Variants in HS6ST3 observed in about 807,000 individuals in gnomAD.
The protein encoded by HS6ST3 is heparan sulfate 6-O-sulfotransferase 3, also known as heparan-sulfate 6-O-sulfotransferase 3.
Under a neutral mutation model 36.7 loss-of-function variants are expected in HS6ST3, and 12 were observed. That is an observed-to-expected ratio of 0.33 (90% confidence interval 0.21 to 0.53). The LOEUF is 0.53. HS6ST3 is among the 20% of genes least tolerant of loss of function. The pLI is 0.95. For synonymous variants in HS6ST3, 240 were observed against 257.5 expected (o/e 0.93, Z 0.65); for missense variants, 584 against 640.9 (o/e 0.91, Z 0.96).
At chr13:96,558,111 T>C (rs1191503992) in intron 1 of HS6ST3, among the ~76,000 whole-genome samples, 1 of 152,218 alleles carries the variant, frequency 6.6e-6, no homozygotes, top group Non-Finnish European at 1.5e-5. Context: ...ACCTTTTTGC[T>C]TTTTTATCTC....
intron 1 of HS6ST3, among the ~76,000 whole-genome samples, chr13:96,779,063 A>G (rs1435602805): frequency 6.6e-6 from 1 of 152,098 alleles, no homozygotes; most frequent in African/African-American, 2.4e-5. Context: ...GCAAACTAAC[A>G]GAGAAAAAGA....
intron 1 of HS6ST3, among the ~76,000 whole-genome samples, chr13:96,177,174 G>A (rs1478938196): frequency 6.6e-6 from 1 of 152,186 alleles, no homozygotes; most frequent in Non-Finnish European, 1.5e-5. Context: ...GTGTTGGTGT[G>A]AGTGTAAATT....
chr13:96,428,525 C>T (rs891276043), intron 1 of HS6ST3, among the ~76,000 whole-genome samples: 1 of 152,138 alleles, frequency 6.6e-6, no homozygotes, highest in African/African-American at 2.4e-5. Flanking sequence ...ATAGTCTTAC[C>T]TTCTGTGTGT....
intron 1 of HS6ST3, among the ~76,000 whole-genome samples, chr13:96,121,902 T>G (rs2139306640): frequency 6.6e-6 from 1 of 152,248 alleles, no homozygotes; most frequent in South Asian, 2.1e-4. Context: ...ATACTGGCAT[T>G]AACATGAGAA....
intron 1 of HS6ST3, among the ~76,000 whole-genome samples, chr13:96,144,800 C>A (rs1410750105): frequency 9.4e-6 from 1 of 106,338 alleles, no homozygotes; most frequent in Non-Finnish European, 1.8e-5. Context: ...CTCCCCCCTC[C>A]CCCCACCACA....
At chr13:96,346,399 C>T (rs1446256655) in intron 1 of HS6ST3, among the ~76,000 whole-genome samples, 1 of 151,828 alleles carries the variant, frequency 6.6e-6, no homozygotes, top group African/African-American at 2.4e-5. Context: ...ACGGTGAAAC[C>T]CTATCTCTCC....
chr13:96,209,407 T>C (rs1355412551), intron 1 of HS6ST3, among the ~76,000 whole-genome samples: 2 of 152,178 alleles, frequency 1.3e-5, no homozygotes, highest in African/African-American at 4.8e-5. Context: ...GCTCCCCAGC[T>C]TTTTTCTGGT....
chr13:96,430,456 T>C (rs1041392188), intron 1 of HS6ST3, among the ~76,000 whole-genome samples: 1 of 152,206 alleles, frequency 6.6e-6, no homozygotes, highest in Admixed American at 6.5e-5. Context: ...CTGGGCACTG[T>C]CTGGCCCTCC....
intron 1 of HS6ST3, among the ~76,000 whole-genome samples, chr13:96,339,254 G>A (rs2055118087): frequency 6.6e-6 from 1 of 152,156 alleles, no homozygotes; most frequent in Non-Finnish European, 1.5e-5. Context: ...CAAACTCATT[G>A]ATGAAGAACA....
intron 1 of HS6ST3, among the ~76,000 whole-genome samples, chr13:96,119,270 A>C (rs933997981): frequency 3.9e-5 from 6 of 152,160 alleles, no homozygotes; most frequent in Admixed American, 3.9e-4. Flanking sequence ...AATTAATTTA[A>C]TGCAGAGTAT....
chr13:96,593,944 G>A (rs904058595), intron 1 of HS6ST3, among the ~76,000 whole-genome samples: 1 of 151,210 alleles, frequency 6.6e-6, no homozygotes, highest in East Asian at 2.0e-4. Context: ...TATCTTGTAG[G>A]CAGTTTATAA....
At chr13:96,328,621 A>G (rs2055046421) in intron 1 of HS6ST3, among the ~76,000 whole-genome samples, 1 of 151,584 alleles carries the variant, frequency 6.6e-6, no homozygotes, top group African/African-American at 2.4e-5. Flanking sequence ...ATGTTCATCA[A>G]GGATATTGGT....
intron 1 of HS6ST3, among the ~76,000 whole-genome samples, chr13:96,321,825 C>A (rs2055004364): frequency 6.6e-6 from 1 of 152,242 alleles, no homozygotes; most frequent in Non-Finnish European, 1.5e-5. Flanking sequence ...AATAGACAAC[C>A]ATGCTGGTAG....
intron 1 of HS6ST3, among the ~76,000 whole-genome samples, chr13:96,531,046 A>G (rs74106502): frequency 0.018 from 2,694 of 152,286 alleles, 81 homozygotes; most frequent in African/African-American, 0.06. Context: ...TCAGAGCATC[A>G]TTCTATGCTG....
intron 1 of HS6ST3, among the ~76,000 whole-genome samples, chr13:96,098,826 A>G (rs1447164481): frequency 6.6e-6 from 1 of 152,146 alleles, no homozygotes; most frequent in East Asian, 1.9e-4. Flanking sequence ...TCTCATGGTG[A>G]GCTTTGGTAA....
At chr13:96,173,460 A>T (rs1298145736) in intron 1 of HS6ST3, among the ~76,000 whole-genome samples, 1 of 151,948 alleles carries the variant, frequency 6.6e-6, no homozygotes, top group Non-Finnish European at 1.5e-5. Flanking sequence ...TCTACCATTA[A>T]CTCCCATCTA....
At chr13:96,180,346 G>A (rs1363325381) in intron 1 of HS6ST3, among the ~76,000 whole-genome samples, 1 of 152,150 alleles carries the variant, frequency 6.6e-6, no homozygotes, top group Non-Finnish European at 1.5e-5. Flanking sequence ...ACCAGGAAGA[G>A]AATGAAAATT....
intron 1 of HS6ST3, among the ~76,000 whole-genome samples, chr13:96,216,996 A>AC (rs2139360484): frequency 6.6e-6 from 1 of 152,156 alleles, no homozygotes; most frequent in African/African-American, 2.4e-5. Context: ...CTGTGACCAC[A>AC]CCCTGTCTTC....
intron 1 of HS6ST3, among the ~76,000 whole-genome samples, chr13:96,278,559 A>G (rs1300050526): frequency 6.6e-6 from 1 of 152,214 alleles, no homozygotes; most frequent in African/African-American, 2.4e-5. Flanking sequence ...ATCCAAAATT[A>G]GAAGACTAAG....
Sources: gnomAD v4.1 joint callset for allele counts (sites outside exome capture counted in the v4.1 genomes callset) on GRCh38, gnomAD v4.1.1 for gene constraint, MANE v1.5 for transcripts, NCBI Gene and HGNC (gene_info 2026-07-23, HGNC 2026-07-21) for gene names.